The following MTX2 variants were observed in gnomAD, a reference collection of about 807,000 sequenced individuals.
The protein encoded by MTX2 is metaxin-2.
A neutral mutation model predicts 42.3 loss-of-function variants in MTX2; 35 were observed. The observed-to-expected ratio is 0.83, with a 90% CI of 0.63 to 1.10. The LOEUF (loss-of-function observed/expected upper bound fraction) is 1.10, where lower values mean the gene tolerates loss of function less well. Ranked by LOEUF, MTX2 falls within the 50% of genes least tolerant of loss-of-function variation. The pLI is 0.00. For missense variants in MTX2, 307 were observed against 304.1 expected, an observed-to-expected ratio of 1.01 and a Z score of -0.07; for synonymous variants, 119 against 100.9, an observed-to-expected ratio of 1.18 and a Z score of -1.08.
intron 1 of MTX2, among the ~76,000 whole-genome samples, chr2:176,289,115 TG>T (rs1270085472): frequency 7.8e-5 from 11 of 140,198 alleles, no homozygotes; most frequent in Admixed American, 3.6e-4. Flanking sequence ...GTAAGAATAT[TG>T]TTTTTTTTGT....
intron 3 of MTX2, among the ~76,000 whole-genome samples, chr2:176,318,134 T>C (rs571584578): frequency 6.6e-6 from 1 of 152,276 alleles, no homozygotes. Flanking sequence ...GGTGTATACC[T>C]TTTCTGTTTC....
At chr2:176,285,883 T>C (rs1693187623) in intron 1 of MTX2, among the ~76,000 whole-genome samples, 1 of 152,194 alleles carries the variant, frequency 6.6e-6, no homozygotes, top group South Asian at 2.1e-4. Context: ...TATTTTTATT[T>C]CCCCTGGGTG....
At chr2:176,318,288 T>C (rs1684494298) in intron 3 of MTX2, among the ~76,000 whole-genome samples, 2 of 151,764 alleles carry the variant, frequency 1.3e-5, no homozygotes, top group Admixed American at 1.3e-4. Context: ...ACCCTACCCC[T>C]GATACCTTAC....
At chr2:176,273,817 A>G (rs1692880320) in intron 1 of MTX2, among the ~76,000 whole-genome samples, 1 of 151,444 alleles carries the variant, frequency 6.6e-6, no homozygotes, top group South Asian at 2.1e-4. Flanking sequence ...CTCTGAATTG[A>G]TTTCTCTGCT....
At chr2:176,288,070 C>T (rs146406110) in intron 1 of MTX2, among the ~76,000 whole-genome samples, 5 of 152,000 alleles carry the variant, frequency 3.3e-5, no homozygotes, top group South Asian at 4.2e-4. Flanking sequence ...CATCCTGTAT[C>T]GTATCATTAA....
intron 1 of MTX2, among the ~76,000 whole-genome samples, chr2:176,294,305 GAC>G (rs1683790041): frequency 1.8e-5 from 2 of 111,922 alleles, no homozygotes; most frequent in Admixed American, 2.2e-4. Context: ...TTTTTCCTAA[GAC>G]AGAGTCTCCC....
intron 7 of MTX2, 120 bp downstream of exon 7, chr2:176,329,032 T>C: frequency 1.0e-6 from 1 of 958,716 alleles, no homozygotes; most frequent in Non-Finnish European, 1.6e-6. Flanking sequence ...TGATATAGTT[T>C]TTCACTTACT....
intron 1 of MTX2, among the ~76,000 whole-genome samples, chr2:176,272,480 C>A (rs1166708558): frequency 6.6e-6 from 1 of 152,050 alleles, no homozygotes; most frequent in Non-Finnish European, 1.5e-5. Context: ...TTTATTCTTT[C>A]TATTCTTTGA....
At chr2:176,332,785 A>G (rs1263648316) in intron 9 of MTX2, among the ~76,000 whole-genome samples, 2 of 151,454 alleles carry the variant, frequency 1.3e-5, no homozygotes, top group Non-Finnish European at 3.0e-5. Flanking sequence ...TGAAAAGTTA[A>G]TGGGAAAGAA....
intron 3 of MTX2, among the ~76,000 whole-genome samples, chr2:176,298,657 A>G (rs1032469437): frequency 1.3e-5 from 2 of 152,156 alleles, no homozygotes; most frequent in East Asian, 1.9e-4. Context: ...TGTAGACTGT[A>G]TCCACTAAAT....
At chr2:176,324,076 G>T (rs1684646895) in intron 4 of MTX2, among the ~76,000 whole-genome samples, 2 of 151,330 alleles carry the variant, frequency 1.3e-5, no homozygotes, top group Admixed American at 6.6e-5. Context: ...ATATAAAAAT[G>T]TGCTACAAAG....
intron 1 of MTX2, among the ~76,000 whole-genome samples, chr2:176,287,551 T>C (rs1456874637): frequency 1.2e-4 from 18 of 152,190 alleles, no homozygotes. Flanking sequence ...GAAACACTTC[T>C]CGTGTCAGGA....
intron 9 of MTX2, among the ~76,000 whole-genome samples, chr2:176,331,833 A>G (rs1684871468): frequency 6.6e-6 from 1 of 151,294 alleles, no homozygotes; most frequent in Admixed American, 6.6e-5. Flanking sequence ...TTAGGAATTG[A>G]AAAGCTCAGA....
At chr2:176,269,757 T>G (rs1692750901) in intron 1 of MTX2, 88 bp downstream of exon 1, 2 of 1,444,374 alleles carry the variant, frequency 1.4e-6, no homozygotes, top group East Asian at 5.4e-5. Context: ...CCTCCAGCCT[T>G]GCGGCATTAT....
intron 1 of MTX2, among the ~76,000 whole-genome samples, chr2:176,280,615 C>T (rs906838752): frequency 2.0e-5 from 3 of 152,080 alleles, no homozygotes; most frequent in Admixed American, 6.5e-5. Context: ...GGTGCTTATT[C>T]AGTCATAAAA....
chr2:176,321,329 G>A (rs1410050008), intron 3 of MTX2, among the ~76,000 whole-genome samples: 1 of 152,110 alleles, frequency 6.6e-6, no homozygotes, highest in Admixed American at 6.6e-5. Flanking sequence ...ACTGGTTATA[G>A]GTTTTAAAGG....
intron 1 of MTX2, among the ~76,000 whole-genome samples, chr2:176,282,126 GTTTTTT>G (rs71004264): frequency 8.7e-4 from 23 of 26,422 alleles, no homozygotes; most frequent in African/African-American, 2.0e-3. Context: ...AGTTACAGTA[GTTTTTT>G]TTTTTTTTTT....
chr2:176,328,532 A>AT, intron 6 of MTX2, 147 bp downstream of exon 6: 2 of 566,172 alleles, frequency 3.5e-6, no homozygotes, highest in South Asian at 7.0e-5. Flanking sequence ...TTATTTGATT[A>AT]TTACCTTTGA....
At chr2:176,272,961 A>G (rs1252744397) in intron 1 of MTX2, among the ~76,000 whole-genome samples, 3 of 152,212 alleles carry the variant, frequency 2.0e-5, no homozygotes, top group African/African-American at 2.4e-5. Flanking sequence ...ACCACAGACT[A>G]GGTAAGTTAC....
Sources: allele counts gnomAD v4.1 joint callset (sites outside exome capture counted in the v4.1 genomes callset), GRCh38; gene constraint gnomAD v4.1.1; transcripts MANE v1.5; gene names NCBI Gene and HGNC (gene_info 2026-07-23, HGNC 2026-07-21).